S100A8: variants seen among roughly 807,000 people sequenced by gnomAD.
S100A8 encodes protein S100-A8.
S100A8 carries 1 observed loss-of-function variant against 4.2 expected under a neutral mutation model. The ratio of observed to expected loss-of-function variants is 0.24; its 90% CI spans 0.08 to 1.12. The LOEUF is 1.12. Among genes scored for constraint, S100A8 ranks in the 50% most tolerant of loss-of-function variants. S100A8 has a pLI of 0.53. For missense variants in S100A8, 96 were observed against 111.8 expected (o/e 0.86, Z 0.64); for synonymous variants, 41 against 44.7 (o/e 0.92, Z 0.33).
At chr1:153,395,191 A>G (rs927384514), upstream of S100A8, among the ~76,000 whole-genome samples, 7 of 152,062 alleles carry the variant, frequency 4.6e-5, no homozygotes, top group African/African-American at 1.4e-4. Flanking sequence ...ATGTTGTAGA[A>G]AAAAACAGAC....
chr1:153,403,142 A>G, the S100A8 span, among the ~76,000 whole-genome samples: 1 of 152,242 alleles, frequency 6.6e-6, no homozygotes, highest in Non-Finnish European at 1.5e-5. Context: ...AAGCCTCAGT[A>G]GCATATGCAA....
At chr1:153,404,019 A>G in the S100A8 span, among the ~76,000 whole-genome samples, 31 of 152,292 alleles carry the variant, frequency 2.0e-4, no homozygotes, top group Admixed American at 1.1e-3. Flanking sequence ...CTCAGGTTAG[A>G]TAATCTGCTA....
chr1:153,390,957 C>G, intron 1 of S100A8, 84 bp downstream of exon 1: 1 of 940,310 alleles, frequency 1.1e-6, no homozygotes, highest in East Asian at 1.1e-4. Context: ...TTTCTCTCTC[C>G]TCTCTCAGGA....
chr1:153,420,416 T>A, the S100A8 span: 1 of 152,262 alleles, frequency 6.6e-6, no homozygotes, highest in Non-Finnish European at 1.5e-5. Flanking sequence ...TGTGTCCCTA[T>A]CACTCTTACT....
the S100A8 span, among the ~76,000 whole-genome samples, chr1:153,415,514 C>T: frequency 6.6e-6 from 1 of 152,184 alleles, no homozygotes; most frequent in African/African-American, 2.4e-5. Flanking sequence ...CCTGTGCCTT[C>T]CCAACCCTCT....
At chr1:153,390,365 G>C (rs377695571) in intron 2 of S100A8, 30 bp downstream of exon 2, 20 of 1,611,498 alleles carry the variant, frequency 1.2e-5, no homozygotes, top group South Asian at 2.2e-5. Flanking sequence ...ACCAGGCAGA[G>C]AGCCCCCGCC....
chr1:153,398,563 C>G, the S100A8 span, among the ~76,000 whole-genome samples: 1 of 152,152 alleles, frequency 6.6e-6, no homozygotes, highest in Non-Finnish European at 1.5e-5. Context: ...TGCAGCTCCT[C>G]TCTGGTGCTC....
the S100A8 span, chr1:153,421,386 T>C: frequency 1.3e-5 from 2 of 152,260 alleles, no homozygotes; most frequent in Non-Finnish European, 2.9e-5. Context: ...CAGCCAGACT[T>C]GGAATCATGG....
chr1:153,406,842 A>G, the S100A8 span, among the ~76,000 whole-genome samples: 3 of 152,218 alleles, frequency 2.0e-5, no homozygotes. Context: ...TTTGTTCCAG[A>G]CATGACACAG....
At chr1:153,390,942 T>G in intron 1 of S100A8, 99 bp downstream of exon 1, 2 of 896,200 alleles carry the variant, frequency 2.2e-6, no homozygotes, top group Non-Finnish European at 2.7e-6. Context: ...CAGACCTCCC[T>G]GAGCTTTCTC....
the S100A8 span, among the ~76,000 whole-genome samples, chr1:153,411,151 A>T: frequency 3.3e-5 from 5 of 152,216 alleles, no homozygotes; most frequent in Admixed American, 3.3e-4. Context: ...AGGAGAAAGA[A>T]ATAAAGGGTA....
the S100A8 span, chr1:153,422,125 G>A: frequency 6.6e-6 from 1 of 152,238 alleles, no homozygotes; most frequent in African/African-American, 2.4e-5. Context: ...GCTATGGCAG[G>A]TCGTCAAGAG....
the S100A8 span, among the ~76,000 whole-genome samples, chr1:153,407,423 G>C: frequency 1.3e-5 from 2 of 152,192 alleles, no homozygotes; most frequent in African/African-American, 4.8e-5. Flanking sequence ...CTGGGGGCAG[G>C]GTGCCCGCCA....
At chr1:153,391,251 C>A (rs528041686), upstream of S100A8, 30 of 972,328 alleles carry the variant, frequency 3.1e-5, no homozygotes, top group African/African-American at 5.3e-4. Context: ...GTAGGAGAAG[C>A]GGAAAGAGGA....
chr1:153,403,297 G>C, the S100A8 span, among the ~76,000 whole-genome samples: 3 of 152,198 alleles, frequency 2.0e-5, no homozygotes, highest in African/African-American at 7.2e-5. Flanking sequence ...TCATTATTTT[G>C]CATGTGGCTG....
chr1:153,421,695 G>T, the S100A8 span: 2 of 152,256 alleles, frequency 1.3e-5, no homozygotes, highest in Non-Finnish European at 2.9e-5. Flanking sequence ...TCTCCCAAAA[G>T]AAGAGAGGGT....
chr1:153,411,131 G>T, the S100A8 span, among the ~76,000 whole-genome samples: 1 of 152,158 alleles, frequency 6.6e-6, no homozygotes, highest in Non-Finnish European at 1.5e-5. Context: ...TCTGGCCAGG[G>T]CAATCAGGCA....
chr1:153,404,594 T>G, the S100A8 span, among the ~76,000 whole-genome samples: 1 of 152,342 alleles, frequency 6.6e-6, no homozygotes, highest in South Asian at 2.1e-4. Flanking sequence ...TCCATGTGTA[T>G]AGGCATCAAG....
the S100A8 span, among the ~76,000 whole-genome samples, chr1:153,400,319 G>A: frequency 2.3e-4 from 35 of 152,252 alleles, no homozygotes; most frequent in South Asian, 8.3e-4. Flanking sequence ...CTTCAGGCTC[G>A]ACATCCCTAC....
Sources: allele counts gnomAD v4.1 joint callset (sites outside exome capture counted in the v4.1 genomes callset), GRCh38; gene constraint gnomAD v4.1.1; transcripts MANE v1.5; gene names NCBI Gene and HGNC (gene_info 2026-07-23, HGNC 2026-07-21).